NCOR1: variants seen among roughly 807,000 people sequenced by gnomAD.
NCOR1 encodes protein phosphatase 1, regulatory subunit 109.
In NCOR1, 63 loss-of-function variants were observed where a neutral mutation model predicts 288.1. The observed-to-expected ratio is 0.22, with a 90% CI of 0.18 to 0.27. NCOR1 has a LOEUF of 0.27. Ranked by LOEUF, NCOR1 falls within the 10% of genes least tolerant of loss-of-function variation. The probability of loss-of-function intolerance (pLI) is 1.00; values close to 1 mark genes in which losing one functional copy is unlikely to be tolerated. For synonymous variants in NCOR1, 1,007 were observed against 1,065.9 expected, an observed-to-expected ratio of 0.94 and a Z score of 1.08; for missense variants, 2,397 against 3,019.2, an observed-to-expected ratio of 0.79 and a Z score of 4.83.
At chr17:16,143,478 C>A in intron 11 of NCOR1, 128 bp downstream of exon 11, 1 of 661,178 alleles carries the variant, frequency 1.5e-6, no homozygotes. Context: ...ACACTCAAAT[C>A]TTTGACAGTC....
At chr17:16,063,839 C>T (rs955567748) in intron 35 of NCOR1, among the ~76,000 whole-genome samples, 4 of 152,190 alleles carry the variant, frequency 2.6e-5, no homozygotes, top group African/African-American at 7.2e-5. Flanking sequence ...CCACTGTTTG[C>T]ACCAAATAAA....
At chr17:16,160,983 A>T (rs2080729958) in intron 5 of NCOR1, among the ~76,000 whole-genome samples, 1 of 152,112 alleles carries the variant, frequency 6.6e-6, no homozygotes, top group East Asian at 1.9e-4. Flanking sequence ...ACTGTAAGGA[A>T]CACTTCCACT....
At chr17:16,201,481 C>A (rs1195585597) in intron 1 of NCOR1, among the ~76,000 whole-genome samples, 1 of 152,124 alleles carries the variant, frequency 6.6e-6, no homozygotes, top group Non-Finnish European at 1.5e-5. Context: ...TGTCTGTAAT[C>A]CCAGCTACTC....
chr17:16,133,633 T>C (rs2075984831), intron 14 of NCOR1, among the ~76,000 whole-genome samples: 1 of 152,230 alleles, frequency 6.6e-6, no homozygotes, highest in African/African-American at 2.4e-5. Context: ...AAATTCTATA[T>C]CTTTAACCCA....
intron 6 of NCOR1, among the ~76,000 whole-genome samples, chr17:16,156,105 A>G (rs1398483692): frequency 6.6e-6 from 1 of 152,140 alleles, no homozygotes; most frequent in Non-Finnish European, 1.5e-5. Flanking sequence ...CCTGGGCAAC[A>G]TAATGAGACA....
At chr17:16,060,576 G>A (rs867323166) in intron 37 of NCOR1, among the ~76,000 whole-genome samples, 1 of 152,118 alleles carries the variant, frequency 6.6e-6, no homozygotes, top group African/African-American at 2.4e-5. Context: ...TCAGCAATGC[G>A]GTAGATATGA....
chr17:16,191,986 A>G (rs1458328987), intron 2 of NCOR1: 1 of 151,752 alleles, frequency 6.6e-6, no homozygotes, highest in Non-Finnish European at 1.5e-5. Flanking sequence ...TCCCAGAAGC[A>G]GGAGGACTAC....
chr17:16,213,489 CA>C (rs537795184), intron 1 of NCOR1, among the ~76,000 whole-genome samples: 7,791 of 78,050 alleles, frequency 0.1, 596 homozygotes, highest in African/African-American at 0.26. Flanking sequence ...AAGACTGTCT[CA>C]AAAAAAAAAA....
chr17:16,168,371 T>C (rs1236760389), intron 4 of NCOR1, among the ~76,000 whole-genome samples: 1 of 151,942 alleles, frequency 6.6e-6, no homozygotes, highest in Non-Finnish European at 1.5e-5. Flanking sequence ...CAGATAATTT[T>C]TGTATTTTTA....
At chr17:16,127,741 G>GTA (rs1599067487) in intron 14 of NCOR1, among the ~76,000 whole-genome samples, 1 of 107,522 alleles carries the variant, frequency 9.3e-6, no homozygotes, top group African/African-American at 3.4e-5. Context: ...GTATATATGT[G>GTA]TGGAGATATA....
In NCOR1 at chr17:16,071,392, A is replaced by G. The variant is rs764876812; in HGVS notation, c.4152+17T>C. 1.9e-5 allele frequency: 30 copies of G among 1,603,030 alleles called. No homozygotes were observed. The highest frequency in any genetic ancestry group is 2.2e-5 in the South Asian group (2 of 89,404). On this transcript the variant is annotated intron_variant, in intron 30 of 45. Coordinates refer to ENST00000268712, the MANE Select transcript of NCOR1 (RefSeq NM_006311.4). Reference sequence around the variant, plus strand: ...ATAAATATCAGTTACTGACAAAAAGAGCCAAAACTTAGTTACCTGGGAAAT... The same window carrying G: ...ATAAATATCAGTTACTGACAAAAAGGGCCAAAACTTAGTTACCTGGGAAAT...
intron 44 of NCOR1, 89 bp from the exon 45 acceptor site, chr17:16,035,033 A>C: frequency 7.9e-7 from 1 of 1,265,082 alleles, no homozygotes. Context: ...TAAATGAAAA[A>C]AAAGCAGAAT....
At chr17:16,095,888 G>T (rs1271050770) in intron 21 of NCOR1, among the ~76,000 whole-genome samples, 4 of 152,064 alleles carry the variant, frequency 2.6e-5, no homozygotes, top group African/African-American at 9.7e-5. Flanking sequence ...ATAGAAAAGG[G>T]GGCAAGGTGG....
At chr17:16,156,841 T>C (rs900652617) in intron 6 of NCOR1, among the ~76,000 whole-genome samples, 6 of 152,218 alleles carry the variant, frequency 3.9e-5, no homozygotes, top group African/African-American at 1.4e-4. Context: ...TCTTGTTCAA[T>C]AGTATTCAGT....
At chr17:16,073,379 C>T in intron 28 of NCOR1, 50 bp downstream of exon 28, 1 of 1,468,244 alleles carries the variant, frequency 6.8e-7, no homozygotes, top group Non-Finnish European at 9.1e-7. Context: ...TGCAAAATTA[C>T]TATATAAAAT....
At chr17:16,055,448 C>T (rs2059807045) in intron 40 of NCOR1, among the ~76,000 whole-genome samples, 1 of 152,200 alleles carries the variant, frequency 6.6e-6, no homozygotes. Flanking sequence ...ACCACGTGTT[C>T]TCACTTATAA....
At chr17:16,174,176 T>G (rs1160487962) in intron 3 of NCOR1, among the ~76,000 whole-genome samples, 1 of 152,240 alleles carries the variant, frequency 6.6e-6, no homozygotes, top group African/African-American at 2.4e-5. Flanking sequence ...TTGGCTTTTT[T>G]GCAGAAATAG....
chr17:16,161,230 G>GACACACACAC (rs67635232), intron 5 of NCOR1, among the ~76,000 whole-genome samples: 27 of 143,236 alleles, frequency 1.9e-4, no homozygotes, highest in African/African-American at 5.1e-4. Context: ...AACACACACA[G>GACACACACAC]ACACACACAC....
At chr17:16,212,035 T>C (rs1455893300) in intron 1 of NCOR1, among the ~76,000 whole-genome samples, 3 of 152,130 alleles carry the variant, frequency 2.0e-5, no homozygotes, top group Non-Finnish European at 2.9e-5. Flanking sequence ...CCCAGCACTT[T>C]GGGAGGCCAA....
Sources: gnomAD v4.1 joint callset for allele counts (sites outside exome capture counted in the v4.1 genomes callset) on GRCh38, gnomAD v4.1.1 for gene constraint, MANE v1.5 for transcripts, NCBI Gene and HGNC (gene_info 2026-07-23, HGNC 2026-07-21) for gene names.